TMCC1: variants seen among roughly 807,000 people sequenced by gnomAD.
The protein encoded by TMCC1 is transmembrane and coiled-coil domains protein 1.
In TMCC1, 15 loss-of-function variants were observed where a neutral mutation model predicts 52.4. That is an observed-to-expected ratio of 0.29 (90% CI 0.19 to 0.44). The LOEUF is 0.44. Ranked by LOEUF, TMCC1 falls within the 20% of genes least tolerant of loss-of-function variation. TMCC1 has a pLI of 1.00. For synonymous variants in TMCC1, 279 were observed against 301.9 expected, an observed-to-expected ratio of 0.92 and a Z score of 0.79; for missense variants, 503 against 806.0, an observed-to-expected ratio of 0.62 and a Z score of 4.55.
intron 4 of TMCC1, chr3:129,818,841 G>A (rs991643163): frequency 5.9e-5 from 9 of 152,266 alleles, no homozygotes; most frequent in Non-Finnish European, 1.0e-4. Flanking sequence ...TAAGAAAAAT[G>A]AGGTGCTGAA....
chr3:129,795,091 G>A (rs937357412), intron 4 of TMCC1, among the ~76,000 whole-genome samples: 2 of 152,182 alleles, frequency 1.3e-5, no homozygotes, highest in Admixed American at 6.5e-5. Flanking sequence ...AATGTCAGGT[G>A]CAGAGAGGCA....
intron 4 of TMCC1, among the ~76,000 whole-genome samples, chr3:129,731,717 C>T (rs1282657104): frequency 6.6e-6 from 1 of 151,824 alleles, no homozygotes; most frequent in East Asian, 1.9e-4. Flanking sequence ...TACTTACTGG[C>T]TCAAGCCATC....
chr3:129,890,470 G>T (rs1488026948), intron 1 of TMCC1, among the ~76,000 whole-genome samples: 1 of 152,228 alleles, frequency 6.6e-6, no homozygotes, highest in Non-Finnish European at 1.5e-5. Context: ...TATCTTAAGT[G>T]CCGGGCTCTT....
At chr3:129,745,949 G>A (rs188398877) in intron 4 of TMCC1, among the ~76,000 whole-genome samples, 1 of 151,300 alleles carries the variant, frequency 6.6e-6, no homozygotes, top group Admixed American at 6.6e-5. Context: ...GCCAGATGGG[G>A]TCTTTCTTTG....
intron 4 of TMCC1, among the ~76,000 whole-genome samples, chr3:129,820,106 C>T (rs2058344080): frequency 7.1e-6 from 1 of 140,722 alleles, no homozygotes; most frequent in African/African-American, 2.7e-5. Flanking sequence ...TTGAAGACGC[C>T]TACTAGATTA....
chr3:129,729,804 A>G (rs1312425244), intron 4 of TMCC1, among the ~76,000 whole-genome samples: 2 of 152,090 alleles, frequency 1.3e-5, no homozygotes, highest in Non-Finnish European at 2.9e-5. Context: ...CCTAACGCAA[A>G]GCCTATTTCA....
chr3:129,660,824 G>A (rs2086974046), intron 5 of TMCC1, among the ~76,000 whole-genome samples: 1 of 152,168 alleles, frequency 6.6e-6, no homozygotes. Context: ...CTGGAGTACA[G>A]TGGTTATTCA....
At chr3:129,846,102 AAAG>A (rs1405524052) in intron 2 of TMCC1, among the ~76,000 whole-genome samples, 1 of 152,188 alleles carries the variant, frequency 6.6e-6, no homozygotes, top group African/African-American at 2.4e-5. Context: ...GGCAAAAAAA[AAAG>A]GTCAGTGTCT....
intron 4 of TMCC1, among the ~76,000 whole-genome samples, chr3:129,779,271 A>T (rs2107720474): frequency 6.6e-6 from 1 of 152,308 alleles, no homozygotes; most frequent in East Asian, 1.9e-4. Flanking sequence ...AAATTAAAAT[A>T]TCTCTTATAT....
intron 2 of TMCC1, chr3:129,847,433 G>A (rs1274433129): frequency 1.3e-5 from 2 of 152,200 alleles, no homozygotes; most frequent in African/African-American, 4.8e-5. Context: ...TACATACAAT[G>A]TACTCTTCTT....
At chr3:129,695,544 A>C (rs2047352437) in intron 4 of TMCC1, among the ~76,000 whole-genome samples, 1 of 152,124 alleles carries the variant, frequency 6.6e-6, no homozygotes, top group Admixed American at 6.6e-5. Flanking sequence ...CATGGTGGCA[A>C]CAAGAAGTGC....
intron 5 of TMCC1, among the ~76,000 whole-genome samples, chr3:129,670,106 T>C (rs1019055221): frequency 6.6e-5 from 10 of 152,208 alleles, no homozygotes; most frequent in Non-Finnish European, 1.5e-4. Flanking sequence ...ATAGGTGAAA[T>C]ACTTTAGAAA....
chr3:129,864,542 C>T (rs1220844362), intron 2 of TMCC1, among the ~76,000 whole-genome samples: 1 of 152,192 alleles, frequency 6.6e-6, no homozygotes, highest in Non-Finnish European at 1.5e-5. Flanking sequence ...ATAATCCCAG[C>T]ACTCTGGGAG....
chr3:129,659,700 T>G (rs1376574112), intron 5 of TMCC1, among the ~76,000 whole-genome samples: 1 of 152,222 alleles, frequency 6.6e-6, no homozygotes, highest in Non-Finnish European at 1.5e-5. Context: ...GAAGTCATTT[T>G]CAAACTAGAT....
intron 4 of TMCC1, among the ~76,000 whole-genome samples, chr3:129,734,260 G>A (rs1191687048): frequency 2.0e-5 from 3 of 152,154 alleles, no homozygotes; most frequent in Non-Finnish European, 4.4e-5. Context: ...TATGTTATCA[G>A]TGTAAATAAT....
intron 4 of TMCC1, among the ~76,000 whole-genome samples, chr3:129,723,420 A>G (rs1320111959): frequency 7.8e-6 from 1 of 128,104 alleles, no homozygotes; most frequent in Admixed American, 9.1e-5. Context: ...TTTTAATTTA[A>G]TAAGTATTCC....
chr3:129,852,173 G>C (rs574664078), intron 2 of TMCC1, among the ~76,000 whole-genome samples: 1 of 151,876 alleles, frequency 6.6e-6, no homozygotes, highest in Admixed American at 6.6e-5. Context: ...AAACAAAGTG[G>C]TGACCAGGTG....
chr3:129,708,983 A>G (rs1251659428), intron 4 of TMCC1, among the ~76,000 whole-genome samples: 1 of 152,220 alleles, frequency 6.6e-6, no homozygotes, highest in Non-Finnish European at 1.5e-5. Context: ...TTTATAATAA[A>G]GTACTTATTT....
intron 2 of TMCC1, among the ~76,000 whole-genome samples, chr3:129,838,428 AAAAAAG>A (rs1344296000): frequency 6.6e-6 from 1 of 151,762 alleles, no homozygotes; most frequent in Non-Finnish European, 1.5e-5. Context: ...AAGAAAAAGA[AAAAAAG>A]AAAAAGAAAC....
Sources: allele counts gnomAD v4.1 joint callset (sites outside exome capture counted in the v4.1 genomes callset), GRCh38; gene constraint gnomAD v4.1.1; transcripts MANE v1.5; gene names NCBI Gene and HGNC (gene_info 2026-07-23, HGNC 2026-07-21).